Variants in SPATA31A1 observed in about 807,000 individuals in gnomAD.
SPATA31A1 encodes the protein SPATA31 subfamily A member 1.
For synonymous variants in SPATA31A1, 194 were observed against 573.4 expected, an observed-to-expected ratio of 0.34 and a Z score of 9.45; for missense variants, 579 against 1,476.3, an observed-to-expected ratio of 0.39 and a Z score of 9.96.
rs1388438641 is a variant in SPATA31A1, at chr9:39,358,822, C to G, written c.1057C>G (p.Arg353Gly). 3.8e-6 allele frequency: 6 copies of G among 1,596,850 alleles called. No individual in the cohort carries two copies. The highest frequency in any genetic ancestry group is 1.7e-5 in the Admixed American group (1 of 59,972). The change falls in exon 4 of 4, where the codon CGA (arginine) becomes GGA (glycine). Residue 353 changes from arginine (R) to glycine (G), a missense_variant. By Grantham distance (125) the Arg-to-Gly change is moderately radical. Transcript: ENST00000377647. ...AGAAAATGTTGGATCATTTACAGAT[C>G]GAATGACCCCAGAAAAGCACTTAAA... The part of the protein sequence containing the change: ...EKENVGSFTD[R>G]MTPEKHLNSL...
rs1387696223 is a variant in SPATA31A1 at position 39,358,508 on chromosome 9, G to T, written c.743G>T (p.Gly248Val). 44 of 1,576,992 alleles carry T rather than the reference G, an allele frequency of 2.8e-5. 1 individual carries two copies. The African/African-American group carries it at 5.9e-4, about 21-fold the overall frequency. Residue 248 changes from glycine to valine, a missense_variant, in exon 4 of 4, where the codon GGC (glycine) becomes GTC (valine). Gly to Val is a moderately radical substitution (Grantham distance 109). Coordinates refer to ENST00000377647, the MANE Select transcript of SPATA31A1 (RefSeq NM_001085452.4). Reference protein sequence around the residue: ...SHCDSVALPLGTVPQSLSPHE... With the variant: ...SHCDSVALPLVTVPQSLSPHE... The stretch of plus-strand genomic sequence containing the variant: ...TGTGACTCAGTGGCACTTCCACTGG[G>T]CACCGTCCCTCAAAGCTTGTCTCCA...
chr9:39,361,200 T>C lies in SPATA31A1; in HGVS notation c.3435T>C (p.Asp1145=), dbSNP rs1823458600. The C allele has an allele frequency of 3.1e-6, 5 of 1,611,244 alleles. No individual in the cohort carries two copies. Among genetic ancestry groups the C allele is most frequent in the Non-Finnish European group, 3.4e-6 (4 of 1,179,776 alleles). Residue 1145 remains aspartate, a synonymous_variant, in exon 4 of 4, where the codon GAT becomes GAC. Transcript: ENST00000377647. ...PVRKTEDTHQ[D]EGVQLLPSKK... ...GGAAAACAGAAGACACCCATCAGGA[T>C]GAAGGCGTCCAGCTACTGCCATCAA...
Position 39,357,690 on chromosome 9 carries a change from G to A in SPATA31A1, c.248-68G>A, listed in dbSNP as rs960966407. 142 of 1,556,964 alleles carry A rather than the reference G, an allele frequency of 9.1e-5. 1 individual carries two copies. Among genetic ancestry groups the A allele is most frequent in the Admixed American group, 6.9e-5 (4 of 57,894 alleles). On this transcript the variant is annotated intron_variant, in intron 2 of 3. Coordinates refer to ENST00000377647, the MANE Select transcript of SPATA31A1 (RefSeq NM_001085452.4). The stretch of plus-strand genomic sequence containing the variant: ...CCCCATGGTCCTCCCTAAAGAAACA[G>A]CCACTCAGCCTCCTGTGAGAACCCA...
At position 39,357,872 on chromosome 9, in the gene SPATA31A1, C is replaced by A. The variant is rs1823367366; in HGVS notation, c.308+54C>A. The A allele has an allele frequency of 3.9e-6, 6 of 1,525,596 alleles. No homozygotes were observed. In the East Asian group the frequency reaches 9.1e-5, roughly 23 times the overall value. 94.5% of individuals were successfully genotyped at this position (1,525,596 alleles called of 1,614,324 possible). A position where few individuals can be genotyped will look rare whatever the true frequency, so the allele number is the denominator to read the frequency against. On this transcript the variant is annotated intron_variant, in intron 3 of 3. Transcript: ENST00000377647. The stretch of plus-strand genomic sequence containing the variant: ...TCCTACCAGGGCTGGGACGTGACCC[C>A]AGGGCCACAGGCAGCCTGGAGCTGA...
At position 39,358,402 on chromosome 9, in the gene SPATA31A1, C is replaced by T. The variant is rs1212818988; in HGVS notation, c.637C>T (p.Pro213Ser). The T allele has an allele frequency of 1.3e-6, 2 of 1,528,382 alleles. No individual in the cohort carries two copies. Among genetic ancestry groups the T allele is most frequent in the Non-Finnish European group, 1.8e-6 (2 of 1,132,738 alleles). The allele number at this position is 1,528,382 out of a possible 1,614,324, so 94.7% of individuals were successfully genotyped here. ...LFPHPPHTPD[P>S]LACSPPPPKG... ...CCCTCACCCACCACACACCCCTGATCCTCTGGCCTGCTCTCCGCCTCCTCC... is the reference window on the plus strand; with the variant it reads ...CCCTCACCCACCACACACCCCTGATTCTCTGGCCTGCTCTCCGCCTCCTCC... Residue 213 changes from proline to serine, a missense_variant, in exon 4 of 4, where the codon CCT (proline) becomes TCT (serine). Transcript: ENST00000377647.
In SPATA31A1 at chr9:39,361,472, A is replaced by G; in HGVS notation, c.3707A>G (p.Lys1236Arg). 2 of 1,612,916 alleles carry G rather than the reference A, an allele frequency of 1.2e-6. No individual in the cohort carries two copies. The highest frequency in any genetic ancestry group is 1.7e-6 in the Non-Finnish European group (2 of 1,179,438). The change falls in exon 4 of 4, where the codon AAA becomes AGA. Residue 1236 changes from lysine to arginine, a missense_variant. By Grantham distance (26) the Lys-to-Arg change is conservative. Coordinates refer to ENST00000377647, the MANE Select transcript of SPATA31A1 (RefSeq NM_001085452.4). ...ARHASKVNQHKQKFQAPVCGF... is the reference protein window; with the variant it reads ...ARHASKVNQHRQKFQAPVCGF... ...CATGCCTCGAAGGTAAATCAGCACA[A>G]ACAGAAGTTTCAAGCCCCAGTCTGT... is the stretch of plus-strand genomic sequence containing the variant.
rs200083894 is a variant in SPATA31A1, at chr9:39,361,137, G to C, written c.3372G>C (p.Arg1124Ser). ...CCAACTTAGAAAAACATGAAGAAAG[G>C]CTTGAAGGATTGAGGACTCCTCAAC... Reference protein sequence around the residue: ...RKPNLEKHEERLEGLRTPQLT... With the variant: ...RKPNLEKHEESLEGLRTPQLT... The change falls in exon 4 of 4, where the codon AGG (arginine) becomes AGC (serine). Residue 1124 changes from arginine (R) to serine (S), a missense_variant. Transcript: ENST00000377647. 6.2e-7 allele frequency: 1 copy of C among 1,611,110 alleles called. No homozygotes were observed. Among genetic ancestry groups the C allele is most frequent in the African/African-American group, 1.3e-5 (1 of 74,402 alleles).
At position 39,361,081 on chromosome 9, in the gene SPATA31A1, C is replaced by T. The variant is rs768706860; in HGVS notation, c.3316C>T (p.Pro1106Ser). 3 of 1,611,172 alleles carry T rather than the reference C, an allele frequency of 1.9e-6. No homozygotes were observed. The highest frequency in any genetic ancestry group is 2.5e-6 in the Non-Finnish European group (3 of 1,179,734). Residue 1106 changes from proline (P) to serine (S), a missense_variant, in exon 4 of 4, where the codon CCT (proline) becomes TCT (serine). Coordinates refer to ENST00000377647, the MANE Select transcript of SPATA31A1 (RefSeq NM_001085452.4). ...SCKNQRPMFPPIHKSEKSRKP... is the reference protein window; with the variant it reads ...SCKNQRPMFPSIHKSEKSRKP... ...CAAGAACCAAAGGCCAATGTTTCCCCCTATTCACAAGAGTGAGAAGTCTAG... is the reference window on the plus strand; with the variant it reads ...CAAGAACCAAAGGCCAATGTTTCCCTCTATTCACAAGAGTGAGAAGTCTAG...
At chr9:39,357,556 C>G in intron 2 of SPATA31A1, 1 of 707,736 alleles carries the variant, frequency 1.4e-6, no homozygotes, top group Non-Finnish European at 2.4e-6. Flanking sequence ...GTGGGGGGTC[C>G]GTGTGTGGAA....
In SPATA31A1 at chr9:39,361,729, C is replaced by T; in HGVS notation, c.3964C>T (p.Gln1322Ter). ...KKAVSPVSPL[Q>*]HWPKTSGASS... ...AGCTGTATCCCCAGTCAGTCCCCTT[C>T]AGCACTGGCCGAAGACATCCGGTGC... Residue 1322 changes from glutamine (Q) to a stop codon, truncating the protein, a stop_gained, in exon 4 of 4, where the codon CAG becomes TAG. Coordinates refer to ENST00000377647, the MANE Select transcript of SPATA31A1 (RefSeq NM_001085452.4). LOFTEE classifies it low-confidence loss of function (END_TRUNC). 1 of 1,612,540 alleles carries T rather than the reference C, an allele frequency of 6.2e-7. No homozygotes were observed. The highest frequency in any genetic ancestry group is 1.7e-5 in the Admixed American group (1 of 59,978).
At chr9:39,356,990 ATGCGGTTCCTGAG>A in intron 1 of SPATA31A1, 129 bp from the exon 2 acceptor site, 1 of 738,104 alleles carries the variant, frequency 1.4e-6, no homozygotes, top group African/African-American at 1.9e-5. Context: ...AGAGAGAGCC[ATGCGGTTCCTGAG>A]TGCAGCATGC....
intron 2 of SPATA31A1, 41 bp from the exon 3 acceptor site, chr9:39,357,717 G>T: frequency 2.7e-6 from 3 of 1,107,234 alleles, no homozygotes; most frequent in Non-Finnish European, 2.7e-6. Context: ...GAGAACCCAG[G>T]CCCCTCCCTC....
intron 2 of SPATA31A1, chr9:39,357,546 G>A: frequency 1.6e-6 from 1 of 639,012 alleles, no homozygotes; most frequent in South Asian, 1.9e-5. Flanking sequence ...GACTGTGGGG[G>A]TGGGGGGTCC....
rs1587775673 is a variant in SPATA31A1, at chr9:39,361,771, C to A, written c.4006C>A (p.His1336Asn). The A allele has an allele frequency of 6.2e-7, 1 of 1,612,258 alleles. No individual in the cohort carries two copies. The highest frequency in any genetic ancestry group is 8.5e-7 in the Non-Finnish European group (1 of 1,179,818). Residue 1336 changes from histidine to asparagine, a missense_variant, in exon 4 of 4, where the codon CAC (histidine) becomes AAC (asparagine). His to Asn is a moderately conservative substitution (Grantham distance 68). Transcript: ENST00000377647. ...KTSGASSHHHHCPRHCLLWEG... is the reference protein window; with the variant it reads ...KTSGASSHHHNCPRHCLLWEG... ...ATCCGGTGCCTCTAGCCACCATCAC[C>A]ACTGTCCAAGGCACTGTCTTCTTTG...
intron 1 of SPATA31A1, among the ~76,000 whole-genome samples, chr9:39,356,208 G>A (rs1470383957): frequency 2.5e-5 from 1 of 39,658 alleles, no homozygotes; most frequent in African/African-American, 1.1e-4. Context: ...AGACTGGGGA[G>A]GTCTCTGTCC....
Position 39,359,181 on chromosome 9 carries a change from G to T in SPATA31A1, c.1416G>T (p.Pro472=). ...MSPLLFQAQP[P]SHLGPECQPF... ...CACTGCTTTTCCAGGCCCAGCCCCC[G>T]TCCCATCTGGGGCCCGAGTGCCAAC... Residue 472 remains proline, a synonymous_variant, in exon 4 of 4, where the codon CCG becomes CCT. Coordinates refer to ENST00000377647, the MANE Select transcript of SPATA31A1 (RefSeq NM_001085452.4). 18 of 1,611,758 alleles carry T rather than the reference G, an allele frequency of 1.1e-5. 1 individual carries two copies. In the South Asian group the frequency reaches 1.9e-4, roughly 17 times the overall value.
Position 39,361,183 on chromosome 9 carries a change from G to A in SPATA31A1, c.3418G>A (p.Glu1140Lys), listed in dbSNP as rs909019052. ...TCAACTTACCCCAGTCAGGAAAACAGAAGACACCCATCAGGATGAAGGCGT... is the reference window on the plus strand; with the variant it reads ...TCAACTTACCCCAGTCAGGAAAACAAAAGACACCCATCAGGATGAAGGCGT... ...TPQLTPVRKT[E>K]DTHQDEGVQL... is the part of the protein sequence containing the mutation. Residue 1140 changes from glutamate to lysine, a missense_variant, in exon 4 of 4, where the codon GAA (glutamate) becomes AAA (lysine). By Grantham distance (56) the Glu-to-Lys change is moderately conservative. Coordinates refer to ENST00000377647, the MANE Select transcript of SPATA31A1 (RefSeq NM_001085452.4). 127 of 1,611,202 alleles carry A rather than the reference G, an allele frequency of 7.9e-5. No individual in the cohort carries two copies. Among genetic ancestry groups the A allele is most frequent in the Non-Finnish European group, 1.0e-4 (118 of 1,179,750 alleles).
At chr9:39,356,543 CATTTTATTTTATTTT>C (rs1311401622) in intron 1 of SPATA31A1, among the ~76,000 whole-genome samples, 252 of 66,150 alleles carry the variant, frequency 3.8e-3, no homozygotes, top group East Asian at 5.3e-3. Context: ...GTGTTATTTT[CATTTTATTTTATTTT>C]ATTTTATTTT....
At position 39,361,445 on chromosome 9, in the gene SPATA31A1, G is replaced by C; in HGVS notation, c.3680G>C (p.Arg1227Pro). The C allele has an allele frequency of 6.2e-7, 1 of 1,611,624 alleles. No homozygotes were observed. The highest frequency in any genetic ancestry group is 8.5e-7 in the Non-Finnish European group (1 of 1,178,976). ...GAGAAAATGTCACTTTGCCATGCGCGCCATGCCTCGAAGGTAAATCAGCAC... is the reference window on the plus strand; with the variant it reads ...GAGAAAATGTCACTTTGCCATGCGCCCCATGCCTCGAAGGTAAATCAGCAC... Reference protein sequence around the residue: ...LDEKMSLCHARHASKVNQHKQ... With the variant: ...LDEKMSLCHAPHASKVNQHKQ... Residue 1227 changes from arginine (R) to proline (P), a missense_variant, in exon 4 of 4, where the codon CGC (arginine) becomes CCC (proline). Coordinates refer to ENST00000377647, the MANE Select transcript of SPATA31A1 (RefSeq NM_001085452.4).
Sources: allele counts gnomAD v4.1 joint callset (sites outside exome capture counted in the v4.1 genomes callset), GRCh38; gene constraint gnomAD v4.1.1; transcripts MANE v1.5; gene names NCBI Gene and HGNC (gene_info 2026-07-23, HGNC 2026-07-21).